The following C12orf56 variants were observed in gnomAD, a reference collection of about 807,000 sequenced individuals.
The protein encoded by C12orf56 is uncharacterized protein C12orf56.
A neutral mutation model predicts 69.9 loss-of-function variants in C12orf56; 71 were observed. That is an observed-to-expected ratio of 1.02 (90% CI 0.84 to 1.24). The LOEUF is 1.24. C12orf56 is among the 50% of genes most tolerant of loss of function. C12orf56 has a pLI of 0.00. For missense variants in C12orf56, 732 were observed against 738.5 expected (o/e 0.99, Z 0.10); for synonymous variants, 276 against 274.1 (o/e 1.01, Z -0.07).
intron 6 of C12orf56, among the ~76,000 whole-genome samples, chr12:64,301,908 T>A (rs775828122): frequency 1.4e-4 from 21 of 152,288 alleles, no homozygotes; most frequent in Admixed American, 7.2e-4. Flanking sequence ...ATAAAGGCCA[T>A]ACCTGTCCAA....
intron 11 of C12orf56, among the ~76,000 whole-genome samples, chr12:64,274,039 A>G (rs1020458796): frequency 2.6e-5 from 4 of 152,224 alleles, no homozygotes; most frequent in South Asian, 2.1e-4. Context: ...GGAAGAGGAC[A>G]CCATGCCATG....
chr12:64,300,536 A>G (rs1251438430), intron 6 of C12orf56, among the ~76,000 whole-genome samples: 2 of 152,144 alleles, frequency 1.3e-5, no homozygotes, highest in African/African-American at 4.8e-5. Flanking sequence ...TGTCCAGTGT[A>G]TCTGGGTGGA....
chr12:64,269,902 T>C (rs1298072653), intron 12 of C12orf56, among the ~76,000 whole-genome samples: 1 of 152,106 alleles, frequency 6.6e-6, no homozygotes, highest in Non-Finnish European at 1.5e-5. Context: ...TTTATTACTC[T>C]TAATTACTCA....
At chr12:64,282,931 G>A (rs996717003) in intron 8 of C12orf56, among the ~76,000 whole-genome samples, 3 of 151,744 alleles carry the variant, frequency 2.0e-5, no homozygotes, top group East Asian at 1.9e-4. Flanking sequence ...ATCACCTGAG[G>A]TCGGGGTTTG....
At chr12:64,358,750 C>A (rs899826115) in intron 1 of C12orf56, among the ~76,000 whole-genome samples, 1 of 149,712 alleles carries the variant, frequency 6.7e-6, no homozygotes, top group African/African-American at 2.5e-5. Context: ...GCCAAGATCA[C>A]GCCACTGCAC....
intron 1 of C12orf56, among the ~76,000 whole-genome samples, chr12:64,356,660 G>T (rs2135955846): frequency 6.6e-6 from 1 of 152,268 alleles, no homozygotes; most frequent in East Asian, 1.9e-4. Context: ...GGGTGACTCA[G>T]GTCAAAGCAG....
intron 5 of C12orf56, among the ~76,000 whole-genome samples, chr12:64,311,419 A>C (rs2038615264): frequency 6.6e-6 from 1 of 152,086 alleles, no homozygotes; most frequent in Non-Finnish European, 1.5e-5. Context: ...TCTCAAAAAA[A>C]AAAAACAAAA....
At chr12:64,349,705 T>C (rs2039195537) in intron 2 of C12orf56, among the ~76,000 whole-genome samples, 1 of 152,202 alleles carries the variant, frequency 6.6e-6, no homozygotes, top group African/African-American at 2.4e-5. Context: ...TTGGAGACTA[T>C]TATTCTAAGT....
chr12:64,286,066 A>G lies in C12orf56; in HGVS notation c.1114-6T>C, dbSNP rs993740570. On this transcript the variant is annotated splice_region_variant and splice_polypyrimidine_tract_variant and intron_variant, in intron 6 of 12. Coordinates refer to ENST00000543942, the MANE Select transcript of C12orf56 (RefSeq NM_001170633.2). ...AAATAGAAAAGGTCACTGGTCTGTG[A>G]AAGCAAGTTGGAAAAAAAGACAGTA... 3 of 1,552,770 alleles carry G rather than the reference A, an allele frequency of 1.9e-6. No individual in the cohort carries two copies. Among genetic ancestry groups the G allele is most frequent in the Non-Finnish European group, 2.6e-6 (3 of 1,135,660 alleles).
intron 3 of C12orf56, among the ~76,000 whole-genome samples, chr12:64,328,345 C>T (rs2038870352): frequency 6.6e-6 from 1 of 152,000 alleles, no homozygotes; most frequent in African/African-American, 2.4e-5. Context: ...ATCCTACACT[C>T]CCCTCTTCCT....
chr12:64,284,726 T>C lies in C12orf56; in HGVS notation c.1248A>G (p.Leu416=), dbSNP rs371865646. The change falls in exon 8 of 13, where the codon CTA becomes CTG. Residue 416 remains leucine (L), a synonymous_variant. Coordinates refer to ENST00000543942, the MANE Select transcript of C12orf56 (RefSeq NM_001170633.2). Reference sequence around the variant, plus strand: ...TTTCTGTTTCTCTGAACATCAATACTAGGGTCTGTATAATTTCAATGCATG... The same window carrying C: ...TTTCTGTTTCTCTGAACATCAATACCAGGGTCTGTATAATTTCAATGCATG... The part of the protein sequence containing the change: ...LVACIEIIQT[L]VLMFRETETE... The C allele has an allele frequency of 5.0e-6, 8 of 1,609,810 alleles. No individual in the cohort carries two copies. Among genetic ancestry groups the C allele is most frequent in the Non-Finnish European group, 3.4e-6 (4 of 1,178,378 alleles).
chr12:64,287,256 AAAAAAAAGAAG>A (rs1242909881), intron 6 of C12orf56, among the ~76,000 whole-genome samples: 20 of 142,956 alleles, frequency 1.4e-4, no homozygotes, highest in South Asian at 2.3e-4. Context: ...AAAAAAAAAA[AAAAAAAAGAAG>A]AAGAAGAAGA....
chr12:64,320,063 T>G (rs1178882014), intron 3 of C12orf56, among the ~76,000 whole-genome samples: 1 of 152,238 alleles, frequency 6.6e-6, no homozygotes, highest in African/African-American at 2.4e-5. Flanking sequence ...AGACGCCCAG[T>G]GCCGCTCCCG....
At chr12:64,279,859 GA>G (rs1309450761) in intron 8 of C12orf56, among the ~76,000 whole-genome samples, 3 of 152,188 alleles carry the variant, frequency 2.0e-5, no homozygotes, top group African/African-American at 7.2e-5. Context: ...ACTCCCTTTA[GA>G]AGTGTTTCTT....
At chr12:64,293,962 A>G (rs921016056) in intron 6 of C12orf56, among the ~76,000 whole-genome samples, 2 of 152,204 alleles carry the variant, frequency 1.3e-5, no homozygotes, top group African/African-American at 4.8e-5. Context: ...ATGAATAGAG[A>G]CATTTGTCAA....
intron 1 of C12orf56, among the ~76,000 whole-genome samples, chr12:64,369,157 CAAAA>C (rs56135769): frequency 7.3e-6 from 1 of 136,968 alleles, no homozygotes. Context: ...CATCTCTCTA[CAAAA>C]AAAAAAAAAA....
chr12:64,298,006 T>C (rs949400079), intron 6 of C12orf56, among the ~76,000 whole-genome samples: 92 of 152,290 alleles, frequency 6.0e-4, no homozygotes, highest in African/African-American at 2.1e-3. Context: ...CCACCAACAG[T>C]GTAAAAGCAT....
chr12:64,349,555 G>T (rs2039193559), intron 2 of C12orf56, among the ~76,000 whole-genome samples: 1 of 152,194 alleles, frequency 6.6e-6, no homozygotes, highest in African/African-American at 2.4e-5. Flanking sequence ...AAAGATATTT[G>T]CACACACATG....
intron 4 of C12orf56, among the ~76,000 whole-genome samples, chr12:64,317,670 G>T (rs531578902): frequency 2.1e-4 from 32 of 152,102 alleles, no homozygotes; most frequent in African/African-American, 7.2e-4. Context: ...TGAGGCAGGA[G>T]AATTGCTTGA....
Sources: allele counts gnomAD v4.1 joint callset (sites outside exome capture counted in the v4.1 genomes callset), GRCh38; gene constraint gnomAD v4.1.1; transcripts MANE v1.5; gene names NCBI Gene and HGNC (gene_info 2026-07-23, HGNC 2026-07-21).